Variants in PRR33 observed in about 807,000 individuals in gnomAD.
The protein encoded by PRR33 is proline-rich protein 33.
Under a neutral mutation model 0.5 loss-of-function variants are expected in PRR33, and 1 was observed. The observed-to-expected ratio is 2.18, with a 90% CI of 0.77 to 10.34. The LOEUF is 10.34. PRR33 is among the 30% of genes most tolerant of loss of function. The pLI is 0.13. For missense variants in PRR33, 552 were observed against 251.8 expected (o/e 2.19, Z -8.07); for synonymous variants, 226 against 110.0 (o/e 2.06, Z -6.60).
the PRR33 span, among the ~76,000 whole-genome samples, chr11:1,901,876 G>A: frequency 6.6e-6 from 1 of 152,244 alleles, no homozygotes; most frequent in African/African-American, 2.4e-5. Flanking sequence ...TGGTTTCAAG[G>A]TAGCCGTTGA....
exon 1 of PRR33, among the ~76,000 whole-genome samples, chr11:1,888,355 A>G (rs927702652): frequency 6.6e-5 from 10 of 152,024 alleles, no homozygotes; most frequent in Middle Eastern, 6.3e-3. Context: ...AGCTGTTCCC[A>G]TAGGGTTGGG....
chr11:1,897,771 T>A, the PRR33 span, among the ~76,000 whole-genome samples: 1 of 152,162 alleles, frequency 6.6e-6, no homozygotes, highest in Non-Finnish European at 1.5e-5. This position sits in a 1 kb window ranked among gnomAD's most constrained non-coding sequence, Gnocchi z 4.0. Flanking sequence ...TTCTTTGAGT[T>A]CTTGTTGCTC....
exon 1 of PRR33, chr11:1,889,407 G>A: frequency 1.5e-6 from 1 of 685,534 alleles, no homozygotes. Flanking sequence ...CCGGGAGGCG[G>A]GGGCCCGGGG....
chr11:1,889,041 C>G, exon 1 of PRR33: 1 of 577,814 alleles, frequency 1.7e-6, no homozygotes, highest in Non-Finnish European at 3.1e-6. Context: ...GCCCCTTGGG[C>G]CCTGGTGCAT....
exon 1 of PRR33, chr11:1,890,393 G>T (rs1444814097): frequency 7.0e-6 from 5 of 717,026 alleles, no homozygotes; most frequent in Non-Finnish European, 1.3e-5. Flanking sequence ...GGGACAGGGA[G>T]GTGCGGAAGG....
upstream of PRR33, among the ~76,000 whole-genome samples, chr11:1,894,693 C>T (rs1363924038): frequency 6.6e-6 from 1 of 152,186 alleles, no homozygotes; most frequent in Non-Finnish European, 1.5e-5. Context: ...GGGTACACCC[C>T]AACCCGCTCA....
At chr11:1,907,048 A>T in the PRR33 span, among the ~76,000 whole-genome samples, 1,102 of 152,336 alleles carry the variant, frequency 7.2e-3, 10 homozygotes, top group Middle Eastern at 0.034. Flanking sequence ...GCCAATTCCC[A>T]GCCCGGGAAG....
upstream of PRR33, among the ~76,000 whole-genome samples, chr11:1,896,650 G>A (rs1849127705): frequency 6.6e-6 from 1 of 152,074 alleles, no homozygotes; most frequent in Non-Finnish European, 1.5e-5. Flanking sequence ...GGGCCTAATT[G>A]CACGAGCAGG....
chr11:1,892,430 C>T (rs772202322), upstream of PRR33, among the ~76,000 whole-genome samples: 1 of 152,232 alleles, frequency 6.6e-6, no homozygotes, highest in Non-Finnish European at 1.5e-5. Context: ...GACATAAGCT[C>T]TCTGGTGGCC....
At chr11:1,905,991 T>A in the PRR33 span, among the ~76,000 whole-genome samples, 1 of 143,822 alleles carries the variant, frequency 7.0e-6, no homozygotes, top group African/African-American at 2.5e-5. Context: ...GCTAAAGTAT[T>A]TTTTTTTTTT....
chr11:1,905,204 G>A, the PRR33 span, among the ~76,000 whole-genome samples: 1 of 135,998 alleles, frequency 7.4e-6, no homozygotes, highest in East Asian at 2.2e-4. Flanking sequence ...TCAGCTCACT[G>A]CAACGTCTGT....
At chr11:1,895,918 G>A (rs1237593412), upstream of PRR33, among the ~76,000 whole-genome samples, 1 of 152,128 alleles carries the variant, frequency 6.6e-6, no homozygotes, top group Admixed American at 6.6e-5. Context: ...TGAGGTGGGA[G>A]GATCCCTAGA....
exon 1 of PRR33, chr11:1,890,360 G>C: frequency 1.4e-6 from 1 of 716,498 alleles, no homozygotes; most frequent in South Asian, 1.5e-5. Context: ...TGACCTCCTG[G>C]TCATGGCTGG....
chr11:1,895,116 T>G (rs1376396768), upstream of PRR33, among the ~76,000 whole-genome samples: 1 of 152,120 alleles, frequency 6.6e-6, no homozygotes, highest in Non-Finnish European at 1.5e-5. Flanking sequence ...TTCCTATTGT[T>G]GAGTTTGAGA....
chr11:1,902,981 C>T, the PRR33 span: 4 of 152,224 alleles, frequency 2.6e-5, no homozygotes, highest in East Asian at 7.7e-4. Context: ...GTGAGGACGA[C>T]CAGAGGTCAC....
the PRR33 span, among the ~76,000 whole-genome samples, chr11:1,914,036 G>GC: frequency 2.2e-4 from 34 of 152,390 alleles, 1 homozygote; most frequent in East Asian, 4.0e-3. Flanking sequence ...AGGCAGCACA[G>GC]CAAGATTGGT....
At chr11:1,892,996 T>A (rs1849060818), upstream of PRR33, among the ~76,000 whole-genome samples, 1 of 147,460 alleles carries the variant, frequency 6.8e-6, no homozygotes, top group South Asian at 2.2e-4. Flanking sequence ...AGTGGGTGGG[T>A]GGGTGGATGG....
At chr11:1,892,275 T>A (rs1212982567), upstream of PRR33, 2 of 152,216 alleles carry the variant, frequency 1.3e-5, no homozygotes, top group African/African-American at 4.8e-5. Flanking sequence ...GTGCTGGCTG[T>A]CTTGTACTCA....
At chr11:1,889,681 G>C (rs1369430203) in exon 1 of PRR33, 1 of 635,966 alleles carries the variant, frequency 1.6e-6, no homozygotes, top group South Asian at 1.8e-5. Flanking sequence ...TCAGCGGCGG[G>C]GCCAGCCATC....
Sources: allele counts gnomAD v4.1 joint callset (sites outside exome capture counted in the v4.1 genomes callset), GRCh38; gene constraint gnomAD v4.1.1; non-coding constraint Gnocchi (gnomAD v3.1); transcripts MANE v1.5; gene names NCBI Gene and HGNC (gene_info 2026-07-23, HGNC 2026-07-21).